Variants in DNM3 observed in about 807,000 individuals in gnomAD.
DNM3 encodes dynamin 3, also known as dynamin-3.
In DNM3, 47 loss-of-function variants were observed where a neutral mutation model predicts 101.6. The ratio of observed to expected loss-of-function variants is 0.46; its 90% CI spans 0.37 to 0.59. DNM3 has a LOEUF of 0.59. DNM3 is among the 20% of genes least tolerant of loss of function. The pLI, the probability that DNM3 is intolerant of heterozygous loss-of-function variation, is 0.00. For synonymous variants in DNM3, 385 were observed against 387.9 expected, an observed-to-expected ratio of 0.99 and a Z score of 0.09; for missense variants, 849 against 1,085.7, an observed-to-expected ratio of 0.78 and a Z score of 3.06.
intron 15 of DNM3, among the ~76,000 whole-genome samples, chr1:172,303,464 A>G (rs1402727390): frequency 2.0e-5 from 3 of 152,214 alleles, no homozygotes; most frequent in African/African-American, 4.8e-5. Flanking sequence ...TCTTCAGGCT[A>G]TCATCCAGGA....
At chr1:172,228,833 C>T (rs1488874700) in intron 14 of DNM3, among the ~76,000 whole-genome samples, 1 of 151,784 alleles carries the variant, frequency 6.6e-6, no homozygotes, top group Non-Finnish European at 1.5e-5. Flanking sequence ...TAGTAGATAC[C>T]CTACGTTCAT....
chr1:172,199,328 T>C (rs1314770429), intron 14 of DNM3, among the ~76,000 whole-genome samples: 2 of 152,110 alleles, frequency 1.3e-5, no homozygotes, highest in Non-Finnish European at 2.9e-5. Flanking sequence ...TTATGTCCAA[T>C]TATATGGTCT....
Position 172,408,123 on chromosome 1 carries a change from C to A in DNM3, c.*282C>A. 1 of 1,187,374 alleles carries A rather than the reference C, an allele frequency of 8.4e-7. No homozygotes were observed. The highest frequency in any genetic ancestry group is 1.0e-6 in the Non-Finnish European group (1 of 954,370). 73.6% of individuals were successfully genotyped at this position (1,187,374 alleles called of 1,614,324 possible). ...TTTGGGGATCATTTGCCTACCATGG[C>A]ATATATTTGAAATTGCTTTGGACAA... On this transcript the variant is annotated 3_prime_UTR_variant, in exon 21 of 21. Coordinates refer to ENST00000627582, the MANE Select transcript of DNM3 (RefSeq NM_015569.5).
chr1:172,148,688 T>A (rs1413278938), intron 14 of DNM3, among the ~76,000 whole-genome samples: 2 of 152,214 alleles, frequency 1.3e-5, no homozygotes, highest in East Asian at 1.9e-4. Context: ...CCAGTTTGTA[T>A]CTAAGATAAA....
At chr1:172,305,174 G>C (rs1217791206) in intron 15 of DNM3, among the ~76,000 whole-genome samples, 1 of 152,052 alleles carries the variant, frequency 6.6e-6, no homozygotes, top group Non-Finnish European at 1.5e-5. Context: ...GAATCAAATA[G>C]ATGCAATAAA....
intron 1 of DNM3, among the ~76,000 whole-genome samples, chr1:171,865,039 G>T (rs1439178085): frequency 6.6e-6 from 1 of 152,044 alleles, no homozygotes; most frequent in African/African-American, 2.4e-5. Context: ...TAATTCATAA[G>T]AAGTTATTTA....
intron 14 of DNM3, among the ~76,000 whole-genome samples, chr1:172,228,727 C>CT (rs1265035200): frequency 6.6e-6 from 1 of 152,016 alleles, no homozygotes; most frequent in African/African-American, 2.4e-5. Flanking sequence ...ATCTGTTTCT[C>CT]TATTTCAGCT....
intron 12 of DNM3, among the ~76,000 whole-genome samples, chr1:172,083,263 G>T (rs1423912907): frequency 1.3e-5 from 2 of 151,576 alleles, no homozygotes; most frequent in Non-Finnish European, 2.9e-5. Flanking sequence ...CTCTACTCTA[G>T]TTTCTATAGT....
At chr1:172,048,195 C>G (rs935176907) in intron 9 of DNM3, among the ~76,000 whole-genome samples, 1 of 152,178 alleles carries the variant, frequency 6.6e-6, no homozygotes, top group South Asian at 2.1e-4. Flanking sequence ...TCCCAGTACC[C>G]CAGGCCCTCA....
intron 1 of DNM3, among the ~76,000 whole-genome samples, chr1:171,877,870 C>T (rs960676227): frequency 3.3e-5 from 5 of 152,274 alleles, no homozygotes; most frequent in South Asian, 4.1e-4. Flanking sequence ...AGGTTTGAAT[C>T]GTGGTTAAGA....
At chr1:172,282,903 G>C (rs187435444) in intron 15 of DNM3, among the ~76,000 whole-genome samples, 1 of 152,150 alleles carries the variant, frequency 6.6e-6, no homozygotes, top group Non-Finnish European at 1.5e-5. Flanking sequence ...ACTGTCTTAG[G>C]CTTCAGGCTT....
chr1:172,285,468 C>A (rs1292692850), intron 15 of DNM3, among the ~76,000 whole-genome samples: 1 of 152,128 alleles, frequency 6.6e-6, no homozygotes, highest in East Asian at 1.9e-4. Flanking sequence ...CTGGGTGGGG[C>A]CAGGGGACAC....
chr1:172,268,726 GA>G (rs892023844), intron 15 of DNM3, among the ~76,000 whole-genome samples: 1 of 152,106 alleles, frequency 6.6e-6, no homozygotes, highest in Non-Finnish European at 1.5e-5. Flanking sequence ...ATAATTTCTT[GA>G]GTATGAAATG....
At chr1:172,148,280 A>G (rs2148212628) in intron 14 of DNM3, among the ~76,000 whole-genome samples, 1 of 151,362 alleles carries the variant, frequency 6.6e-6, no homozygotes, top group East Asian at 2.0e-4. Context: ...AATTGAAGGC[A>G]GGAACAATAT....
chr1:171,975,440 A>G (rs2044301674), intron 2 of DNM3, among the ~76,000 whole-genome samples: 1 of 152,214 alleles, frequency 6.6e-6, no homozygotes, highest in African/African-American at 2.4e-5. Context: ...GACATCATTG[A>G]TAATAAATAT....
intron 16 of DNM3, among the ~76,000 whole-genome samples, chr1:172,312,873 A>G (rs934924455): frequency 6.6e-6 from 1 of 152,170 alleles, no homozygotes; most frequent in African/African-American, 2.4e-5. Context: ...TGGATTTTCT[A>G]ATTACTTTTA....
At chr1:172,088,249 G>A (rs2053666029) in intron 12 of DNM3, among the ~76,000 whole-genome samples, 1 of 152,162 alleles carries the variant, frequency 6.6e-6, no homozygotes, top group Non-Finnish European at 1.5e-5. Context: ...CTTTGGGAGT[G>A]CATGAAAAGG....
chr1:172,085,132 C>T (rs2053440672), intron 12 of DNM3, among the ~76,000 whole-genome samples: 1 of 151,556 alleles, frequency 6.6e-6, no homozygotes, highest in African/African-American at 2.4e-5. Flanking sequence ...AATTTCCTGG[C>T]TTCTAAATGT....
chr1:172,336,651 C>A (rs1411660310), intron 17 of DNM3, among the ~76,000 whole-genome samples: 1 of 150,322 alleles, frequency 6.7e-6, no homozygotes, highest in Non-Finnish European at 1.5e-5. Context: ...ACAATGTTTT[C>A]TTTTACCTTC....
Sources: allele counts gnomAD v4.1 joint callset (sites outside exome capture counted in the v4.1 genomes callset), GRCh38; gene constraint gnomAD v4.1.1; transcripts MANE v1.5; gene names NCBI Gene and HGNC (gene_info 2026-07-23, HGNC 2026-07-21).